Variants in ERBB4 observed in about 807,000 individuals in gnomAD.
The protein encoded by ERBB4 is erb-b2 receptor tyrosine kinase 4, also known as receptor tyrosine-protein kinase erbB-4.
ERBB4 carries 42 observed loss-of-function variants against 158.0 expected under a neutral mutation model. The observed-to-expected ratio is 0.27, with a 90% CI of 0.21 to 0.34. ERBB4 has a LOEUF of 0.34. ERBB4 is among the 10% of genes least tolerant of loss of function. ERBB4 has a pLI of 1.00. For synonymous variants in ERBB4, 583 were observed against 558.7 expected, an observed-to-expected ratio of 1.04 and a Z score of -0.61; for missense variants, 1,333 against 1,624.1, an observed-to-expected ratio of 0.82 and a Z score of 3.08.
chr2:212,033,249 A>G (rs957144767), intron 2 of ERBB4, among the ~76,000 whole-genome samples: 1 of 152,040 alleles, frequency 6.6e-6, no homozygotes, highest in Non-Finnish European at 1.5e-5. Flanking sequence ...AAAACAAATT[A>G]GTGATATCAA....
rs372098605 is a variant in ERBB4, at chr2:212,335,720, C to T, written c.82+202729G>A. On this transcript the variant is annotated intron_variant, in intron 1 of 27. Transcript: ENST00000342788. ...GGCACTGTGAGCCAATAATTTAAAA[C>T]GTAAAGAACGAGATACTATGAAATT... 1.6e-4 allele frequency among the ~76,000 whole-genome samples: 24 copies of T among 151,988 alleles called. No individual in the cohort carries two copies. In the South Asian group the frequency reaches 3.3e-3, roughly 21 times the overall value.
At chr2:211,576,994 G>A (rs1363111440) in intron 19 of ERBB4, among the ~76,000 whole-genome samples, 1 of 152,078 alleles carries the variant, frequency 6.6e-6, no homozygotes, top group Non-Finnish European at 1.5e-5. Context: ...CTAGTTGTGT[G>A]ACATAAAGCA....
intron 3 of ERBB4, among the ~76,000 whole-genome samples, chr2:211,841,734 C>T (rs1225191677): frequency 6.6e-6 from 1 of 151,844 alleles, no homozygotes; most frequent in Non-Finnish European, 1.5e-5. Flanking sequence ...TATGGCTTCC[C>T]TGGAATTCTC....
At chr2:211,618,941 G>C (rs1351607055) in intron 19 of ERBB4, among the ~76,000 whole-genome samples, 2 of 152,044 alleles carry the variant, frequency 1.3e-5, no homozygotes, top group Non-Finnish European at 2.9e-5. Flanking sequence ...TAAATATCTT[G>C]AAACTCTAAA....
At chr2:212,095,946 GAAA>G (rs35084866) in intron 2 of ERBB4, among the ~76,000 whole-genome samples, 2 of 130,176 alleles carry the variant, frequency 1.5e-5, no homozygotes, top group African/African-American at 2.9e-5. Context: ...AAAAAAAAAA[GAAA>G]AAAAAAAAAA....
chr2:211,896,853 A>G (rs72933730), intron 3 of ERBB4, among the ~76,000 whole-genome samples: 9,706 of 152,004 alleles, frequency 0.064, 477 homozygotes, highest in Non-Finnish European at 0.093. Context: ...TGCCACTAGT[A>G]TTTGTTACAA....
intron 1 of ERBB4, among the ~76,000 whole-genome samples, chr2:212,296,376 G>C (rs2086410384): frequency 6.6e-6 from 1 of 151,648 alleles, no homozygotes; most frequent in Non-Finnish European, 1.5e-5. Context: ...TTTCCAATGA[G>C]AGAATTTCAT....
intron 3 of ERBB4, among the ~76,000 whole-genome samples, chr2:211,841,639 T>G (rs575006728): frequency 6.6e-6 from 1 of 151,962 alleles, no homozygotes; most frequent in Non-Finnish European, 1.5e-5. Context: ...AATTTTAAAT[T>G]TATCTCCATG....
At chr2:212,428,199 T>TA (rs2091956053) in intron 1 of ERBB4, among the ~76,000 whole-genome samples, 1 of 152,190 alleles carries the variant, frequency 6.6e-6, no homozygotes, top group Non-Finnish European at 1.5e-5. Flanking sequence ...CAGGAAATGA[T>TA]AATAATATTT....
chr2:212,046,268 G>A (rs929879525), intron 2 of ERBB4, among the ~76,000 whole-genome samples: 6 of 152,174 alleles, frequency 3.9e-5, no homozygotes, highest in Non-Finnish European at 8.8e-5. Context: ...ACACCTAAGA[G>A]AATAAACTAA....
At position 211,507,720 on chromosome 2, in the gene ERBB4, C is replaced by T. The variant is rs185213898; in HGVS notation, c.2487+54183G>A. 1.4e-3 allele frequency among the ~76,000 whole-genome samples: 209 copies of T among 152,184 alleles called. 3 individuals carry two copies. Among genetic ancestry groups the T allele is most frequent in the Non-Finnish European group, 6.2e-4 (42 of 68,010 alleles). ...AGCAAAGCTGGAGGCATCACACTAC[C>T]TGACTTCAAACTATACTATAAGGCT... On this transcript the variant is annotated intron_variant, in intron 20 of 27. Transcript: ENST00000342788.
chr2:212,127,534 G>A (rs886451765), intron 1 of ERBB4, among the ~76,000 whole-genome samples: 12 of 152,170 alleles, frequency 7.9e-5, no homozygotes, highest in East Asian at 1.9e-4. Context: ...GGAGCTTGCC[G>A]TGAGCCGAGA....
intron 5 of ERBB4, among the ~76,000 whole-genome samples, chr2:211,747,328 T>C (rs928012294): frequency 1.3e-5 from 2 of 152,268 alleles, no homozygotes; most frequent in Non-Finnish European, 2.9e-5. Flanking sequence ...ACTTTACCAG[T>C]GCCAGAAGAT....
At chr2:212,248,606 C>G (rs2084399245) in intron 1 of ERBB4, among the ~76,000 whole-genome samples, 1 of 152,038 alleles carries the variant, frequency 6.6e-6, no homozygotes. Flanking sequence ...GTTATCCTAC[C>G]TAGGTCACCA....
intron 20 of ERBB4, among the ~76,000 whole-genome samples, chr2:211,485,651 T>C (rs2065184211): frequency 6.7e-6 from 1 of 148,676 alleles, no homozygotes; most frequent in Non-Finnish European, 1.5e-5. Context: ...AGCAAATTCT[T>C]TAAAGGGATT....
chr2:211,923,999 G>C (rs1387777650), intron 3 of ERBB4, among the ~76,000 whole-genome samples: 1 of 152,112 alleles, frequency 6.6e-6, no homozygotes, highest in Non-Finnish European at 1.5e-5. Flanking sequence ...TGGGATTACA[G>C]GTGTGAGCCA....
intron 3 of ERBB4, among the ~76,000 whole-genome samples, chr2:211,938,294 C>A (rs561375291): frequency 6.6e-6 from 1 of 152,062 alleles, no homozygotes; most frequent in Admixed American, 6.6e-5. Flanking sequence ...GAAACTGAGG[C>A]TTAGAAAGTT....
At chr2:212,283,848 T>C (rs1405784279) in intron 1 of ERBB4, among the ~76,000 whole-genome samples, 2 of 152,092 alleles carry the variant, frequency 1.3e-5, no homozygotes, top group Admixed American at 6.6e-5. Flanking sequence ...ATTAATATTA[T>C]GTTTGTTCAC....
chr2:211,406,601 T>G (rs2063153040), intron 25 of ERBB4, among the ~76,000 whole-genome samples: 1 of 152,108 alleles, frequency 6.6e-6, no homozygotes, highest in Non-Finnish European at 1.5e-5. Flanking sequence ...AGAGGCAGAC[T>G]GAGAGGCAAT....
Sources: gnomAD v4.1 joint callset for allele counts (sites outside exome capture counted in the v4.1 genomes callset) on GRCh38, gnomAD v4.1.1 for gene constraint, MANE v1.5 for transcripts, NCBI Gene and HGNC (gene_info 2026-07-23, HGNC 2026-07-21) for gene names.